Variants in PLEKHH2 observed in about 807,000 individuals in gnomAD.
The protein encoded by PLEKHH2 is pleckstrin homology domain-containing family H member 2.
In PLEKHH2, 129 loss-of-function variants were observed where a neutral mutation model predicts 187.9. That is an observed-to-expected ratio of 0.69 (90% CI 0.59 to 0.79). PLEKHH2 has a LOEUF of 0.79. PLEKHH2 is among the 30% of genes least tolerant of loss of function. The pLI, the probability that PLEKHH2 is intolerant of heterozygous loss-of-function variation, is 0.00. For synonymous variants in PLEKHH2, 686 were observed against 605.6 expected (o/e 1.13, Z -1.95); for missense variants, 2,076 against 1,751.2 (o/e 1.19, Z -3.31).
chr2:43,704,018 G>A lies in PLEKHH2; in HGVS notation c.1688G>A (p.Arg563Gln), dbSNP rs370995072. 18 of 1,587,406 alleles carry A rather than the reference G, an allele frequency of 1.1e-5. No individual in the cohort carries two copies. The highest frequency in any genetic ancestry group is 1.0e-4 in the Admixed American group (6 of 57,408). The change falls in exon 9 of 30, where the codon CGA (arginine) becomes CAA (glutamine). Residue 563 changes from arginine to glutamine, a missense_variant. Transcript: ENST00000282406. The stretch of plus-strand genomic sequence containing the variant: ...TATGCTGTAGCCAAATCAGGTATTC[G>A]AATGTCTGAGGCCTTCAATATGGAG... ...RIYAVAKSGIRMSEAFNMESV... is the reference protein window; with the variant it reads ...RIYAVAKSGIQMSEAFNMESV...
chr2:43,722,149 G>A (rs191123407), intron 16 of PLEKHH2, among the ~76,000 whole-genome samples: 14 of 151,564 alleles, frequency 9.2e-5, no homozygotes, highest in African/African-American at 3.4e-4. Flanking sequence ...CTGGCTACTT[G>A]GGAGGCTAAG....
At chr2:43,709,946 C>T (rs1461710567) in intron 11 of PLEKHH2, 44 bp from the exon 12 acceptor site, 1 of 1,549,928 alleles carries the variant, frequency 6.5e-7, no homozygotes, top group East Asian at 2.3e-5. Context: ...TTTGGCCCTC[C>T]CCAGTATTAA....
chr2:43,740,833 G>T, intron 20 of PLEKHH2, 113 bp from the exon 21 acceptor site: 1 of 1,448,404 alleles, frequency 6.9e-7, no homozygotes, highest in Non-Finnish European at 9.1e-7. Context: ...ATATGTGAAA[G>T]AAGCAAAACG....
chr2:43,742,320 T>C (rs1314212841), intron 21 of PLEKHH2, among the ~76,000 whole-genome samples: 1 of 152,016 alleles, frequency 6.6e-6, no homozygotes, highest in Admixed American at 6.6e-5. Context: ...TTTTTTTTTT[T>C]TTACCTTGTT....
chr2:43,703,182 C>T (rs936059326), intron 8 of PLEKHH2, among the ~76,000 whole-genome samples: 2 of 152,168 alleles, frequency 1.3e-5, no homozygotes, highest in Non-Finnish European at 2.9e-5. Context: ...CCACTGTGTC[C>T]TGGACAGTCA....
intron 1 of PLEKHH2, among the ~76,000 whole-genome samples, chr2:43,644,414 C>G (rs1033470297): frequency 6.7e-6 from 1 of 149,662 alleles, no homozygotes; most frequent in African/African-American, 2.5e-5. Context: ...ATTGGCTAAA[C>G]TGAGACATAG....
chr2:43,659,521 T>C (rs1558434596), intron 2 of PLEKHH2, among the ~76,000 whole-genome samples: 1 of 152,132 alleles, frequency 6.6e-6, no homozygotes, highest in Non-Finnish European at 1.5e-5. Context: ...TATTGTTATC[T>C]GTCTTTCTTA....
At position 43,742,815 on chromosome 2, in the gene PLEKHH2, C is replaced by G; in HGVS notation, c.3296C>G (p.Ala1099Gly). The change falls in exon 22 of 30, where the codon GCA (alanine) becomes GGA (glycine). Residue 1099 changes from alanine (A) to glycine (G), a missense_variant. Transcript: ENST00000282406. ...ERTQQNGDRE[A>G]RPSRMEILST... ...ACGCAACAAAATGGTGACAGAGAAG[C>G]AAGACCCTCAAGGATGGAAATTCTT... 1.9e-6 allele frequency: 3 copies of G among 1,607,388 alleles called. No homozygotes were observed. Among genetic ancestry groups the G allele is most frequent in the Non-Finnish European group, 2.5e-6 (3 of 1,177,460 alleles).
At chr2:43,643,351 A>C (rs6750909) in intron 1 of PLEKHH2, among the ~76,000 whole-genome samples, 99,509 of 151,876 alleles carry the variant, frequency 0.66, 33,419 homozygotes, top group African/African-American at 0.78. Flanking sequence ...GGCTTTAAGA[A>C]GCTGGGGTGC....
At chr2:43,648,423 G>A (rs1666290265) in intron 2 of PLEKHH2, among the ~76,000 whole-genome samples, 1 of 151,896 alleles carries the variant, frequency 6.6e-6, no homozygotes, top group Non-Finnish European at 1.5e-5. Flanking sequence ...TCCTGACCTT[G>A]TGATCCGCCC....
rs1293533815 is a variant in PLEKHH2, at chr2:43,767,582, A to G, written c.*1984A>G. The G allele has an allele frequency of 2.6e-5, 4 of 152,466 alleles. No individual in the cohort carries two copies. Among genetic ancestry groups the G allele is most frequent in the Non-Finnish European group, 4.4e-5 (3 of 68,026 alleles). The allele number at this position is 152,466 out of a possible 1,614,324, so 9.4% of individuals were successfully genotyped here. On this transcript the variant is annotated 3_prime_UTR_variant, in exon 30 of 30. Coordinates refer to ENST00000282406, the MANE Select transcript of PLEKHH2 (RefSeq NM_172069.4). ...GTTACAGAAGAGTTTCTAAGTTCCTAGAGAGCCATTTAATAATTAGTTGGT... is the reference window on the plus strand; with the variant it reads ...GTTACAGAAGAGTTTCTAAGTTCCTGGAGAGCCATTTAATAATTAGTTGGT...
intron 16 of PLEKHH2, among the ~76,000 whole-genome samples, chr2:43,721,365 G>A (rs1670470136): frequency 6.6e-6 from 1 of 152,162 alleles, no homozygotes; most frequent in Admixed American, 6.5e-5. Context: ...TGGGCCACGA[G>A]TACTTGTATA....
chr2:43,742,928 C>G lies in PLEKHH2; in HGVS notation c.3399+10C>G, dbSNP rs1442814208. On this transcript the variant is annotated intron_variant, in intron 22 of 29. Coordinates refer to ENST00000282406, the MANE Select transcript of PLEKHH2 (RefSeq NM_172069.4). Reference sequence around the variant, plus strand: ...GAATGGGATATACCAGGTAGGTTACCTGATGAAAATATGCTTAGCCAACAA... The same window carrying G: ...GAATGGGATATACCAGGTAGGTTACGTGATGAAAATATGCTTAGCCAACAA... 1 of 1,485,758 alleles carries G rather than the reference C, an allele frequency of 6.7e-7. No individual in the cohort carries two copies. Among genetic ancestry groups the G allele is most frequent in the Non-Finnish European group, 9.0e-7 (1 of 1,114,910 alleles). The allele number at this position is 1,485,758 out of a possible 1,614,324, so 92.0% of individuals were successfully genotyped here. A position where few individuals can be genotyped will look rare whatever the true frequency, so the allele number is the denominator to read the frequency against.
At chr2:43,642,161 T>C (rs1665971058) in intron 1 of PLEKHH2, among the ~76,000 whole-genome samples, 1 of 152,224 alleles carries the variant, frequency 6.6e-6, no homozygotes, top group Non-Finnish European at 1.5e-5. Flanking sequence ...AGTGATGTTT[T>C]GTAGTTTTCA....
In PLEKHH2 at chr2:43,742,766, T is replaced by A; in HGVS notation, c.3247T>A (p.Tyr1083Asn). ...SRTEFGKYAI[Y>N]CQRCVERTQQ... The stretch of plus-strand genomic sequence containing the variant: ...GACAGAATTTGGAAAATATGCCATT[T>A]ACTGCCAGCGTTGTGTAGAAAGAAC... The change falls in exon 22 of 30, where the codon TAC (tyrosine) becomes AAC (asparagine). Residue 1083 changes from tyrosine to asparagine, a missense_variant. Coordinates refer to ENST00000282406, the MANE Select transcript of PLEKHH2 (RefSeq NM_172069.4). 1 of 1,583,072 alleles carries A rather than the reference T, an allele frequency of 6.3e-7. No homozygotes were observed. Among genetic ancestry groups the A allele is most frequent in the Non-Finnish European group, 8.6e-7 (1 of 1,168,352 alleles).
intron 9 of PLEKHH2, among the ~76,000 whole-genome samples, 155 bp from the exon 10 acceptor site, chr2:43,706,167 T>A (rs142681858): frequency 6.2e-4 from 94 of 152,332 alleles, no homozygotes; most frequent in African/African-American, 2.3e-3. Context: ...AACCTGTAAA[T>A]GCCATAATCT....
chr2:43,655,128 C>G (rs1054837754), intron 2 of PLEKHH2, among the ~76,000 whole-genome samples: 1 of 151,984 alleles, frequency 6.6e-6, no homozygotes, highest in African/African-American at 2.4e-5. Flanking sequence ...ATCGCCTGAG[C>G]CCAGAAGTTC....
At chr2:43,751,499 A>T (rs1672008291) in intron 24 of PLEKHH2, among the ~76,000 whole-genome samples, 1 of 152,242 alleles carries the variant, frequency 6.6e-6, no homozygotes, top group Non-Finnish European at 1.5e-5. Flanking sequence ...AGGATCGCCC[A>T]GTGGTGCTGA....
At chr2:43,655,255 A>G (rs1367025341) in intron 2 of PLEKHH2, among the ~76,000 whole-genome samples, 1 of 152,040 alleles carries the variant, frequency 6.6e-6, no homozygotes, top group African/African-American at 2.4e-5. Flanking sequence ...TTGAAACTGG[A>G]ATGTGGCAAG....
Sources: gnomAD v4.1 joint callset for allele counts (sites outside exome capture counted in the v4.1 genomes callset) on GRCh38, gnomAD v4.1.1 for gene constraint, MANE v1.5 for transcripts, NCBI Gene and HGNC (gene_info 2026-07-23, HGNC 2026-07-21) for gene names.